Variants in ADAM2 observed in about 807,000 individuals in gnomAD.
The protein encoded by ADAM2 is disintegrin and metalloproteinase domain-containing protein 2.
Under a neutral mutation model 99.3 loss-of-function variants are expected in ADAM2, and 101 were observed. That is an observed-to-expected ratio of 1.02 (90% confidence interval 0.87 to 1.20). The LOEUF is 1.20. Ranked by LOEUF, ADAM2 falls within the 50% of genes most tolerant of loss-of-function variation. The probability of loss-of-function intolerance (pLI) is 0.00; values close to 1 mark genes in which losing one functional copy is unlikely to be tolerated. For synonymous variants in ADAM2, 323 were observed against 287.6 expected (o/e 1.12, Z -1.25); for missense variants, 948 against 878.7 (o/e 1.08, Z -1.00).
intron 7 of ADAM2, among the ~76,000 whole-genome samples, chr8:39,798,632 AT>A (rs1174966164): frequency 6.6e-6 from 1 of 151,998 alleles, no homozygotes; most frequent in Non-Finnish European, 1.5e-5. Context: ...TCCTCTTTGT[AT>A]TTCTGGTAGA....
Position 39,746,645 on chromosome 8 carries a change from A to T in ADAM2, c.2015-14T>A. ...TGTAGCGCCTTTCTAGAAGAAAAAA[A>T]AATCAAAGATTTGAAAGCAAGCACC... is the stretch of plus-strand genomic sequence containing the variant. On this transcript the variant is annotated splice_polypyrimidine_tract_variant and intron_variant, in intron 18 of 20. Transcript: ENST00000265708. The T allele has an allele frequency of 6.4e-7, 1 of 1,553,026 alleles. No individual in the cohort carries two copies. Among genetic ancestry groups the T allele is most frequent in the Admixed American group, 2.2e-5 (1 of 44,878 alleles).
intron 1 of ADAM2, 60 bp from the exon 2 acceptor site, chr8:39,837,272 T>C (rs1275321797): frequency 1.6e-6 from 2 of 1,244,890 alleles, no homozygotes; most frequent in Non-Finnish European, 2.3e-6. Context: ...GCGTGTTTTA[T>C]GAGTTTTTCA....
At chr8:39,765,460 T>C (rs1325921577) in intron 14 of ADAM2, among the ~76,000 whole-genome samples, 1 of 152,124 alleles carries the variant, frequency 6.6e-6, no homozygotes, top group African/African-American at 2.4e-5. Context: ...ATAGAACAAC[T>C]ATATGCCAAC....
intron 10 of ADAM2, 25 bp downstream of exon 10, chr8:39,786,949 C>G: frequency 6.7e-7 from 1 of 1,501,650 alleles, no homozygotes; most frequent in Non-Finnish European, 9.1e-7. Context: ...ATGTAGCATA[C>G]TTTCTATACA....
intron 11 of ADAM2, among the ~76,000 whole-genome samples, chr8:39,771,639 G>T (rs115088150): frequency 6.6e-6 from 1 of 152,032 alleles, no homozygotes; most frequent in Admixed American, 6.5e-5. Flanking sequence ...TTATTCACTC[G>T]AAGACCTCGA....
chr8:39,744,896 G>A lies in ADAM2; in HGVS notation c.2175-3C>T, dbSNP rs1219340461. On this transcript the variant is annotated splice_polypyrimidine_tract_variant and splice_region_variant and intron_variant, in intron 19 of 20. Transcript: ENST00000265708. The stretch of plus-strand genomic sequence containing the variant: ...GTTCACTCTCACTTTCAGGTTGCCT[G>A]CATATTAAAAATAAAAATAATATTA... 2 of 1,595,390 alleles carry A rather than the reference G, an allele frequency of 1.3e-6. No homozygotes were observed. Among genetic ancestry groups the A allele is most frequent in the Non-Finnish European group, 1.7e-6 (2 of 1,168,572 alleles).
intron 14 of ADAM2, among the ~76,000 whole-genome samples, chr8:39,764,353 T>A (rs902365601): frequency 2.6e-5 from 4 of 152,172 alleles, no homozygotes; most frequent in African/African-American, 9.7e-5. Context: ...GAGGCTGCAG[T>A]GAGCTGTGAT....
chr8:39,749,932 ACT>A (rs1563333345), intron 16 of ADAM2, among the ~76,000 whole-genome samples, 188 bp from the exon 17 acceptor site: 1 of 152,104 alleles, frequency 6.6e-6, no homozygotes, highest in Non-Finnish European at 1.5e-5. Flanking sequence ...ACTAGATGAG[ACT>A]CTGATTATCT....
At chr8:39,748,755 G>A (rs917639917) in intron 18 of ADAM2, among the ~76,000 whole-genome samples, 1 of 152,062 alleles carries the variant, frequency 6.6e-6, no homozygotes, top group Non-Finnish European at 1.5e-5. Context: ...TGGAGGATTC[G>A]AAGAGTAAAA....
In ADAM2 at chr8:39,779,554, T is replaced by G. The variant is rs72642842; in HGVS notation, c.892-2393A>C. Among the ~76,000 whole-genome samples the G allele has an allele frequency of 6.4e-3, 977 of 152,302 alleles. 7 individuals are homozygous for G. The highest frequency in any genetic ancestry group is 0.012 in the Non-Finnish European group (826 of 68,024). On this transcript the variant is annotated intron_variant, in intron 10 of 20. Coordinates refer to ENST00000265708, the MANE Select transcript of ADAM2 (RefSeq NM_001464.5). ...AATTTCCTACAGGTTCTTGTTATTA[T>G]TATCTCTGATTTGAAAGGCAAGTGA...
At chr8:39,762,030 G>A (rs1396720510) in intron 14 of ADAM2, among the ~76,000 whole-genome samples, 1 of 152,224 alleles carries the variant, frequency 6.6e-6, no homozygotes, top group Admixed American at 6.5e-5. Flanking sequence ...CCTGCAGTGA[G>A]CCGAGATCGC....
At chr8:39,810,961 C>CA (rs939818163) in intron 6 of ADAM2, among the ~76,000 whole-genome samples, 57 of 147,684 alleles carry the variant, frequency 3.9e-4, no homozygotes, top group Admixed American at 1.2e-3. Context: ...AGATAGAGAC[C>CA]AAAAAAAAAC....
chr8:39,766,018 T>C lies in ADAM2; in HGVS notation c.1507+830A>G, dbSNP rs117150800. Among the ~76,000 whole-genome samples, 8 of 152,350 alleles carry C rather than the reference T, an allele frequency of 5.3e-5. No homozygotes were observed. In the East Asian group the frequency reaches 1.5e-3, roughly 29 times the overall value. ...ATTATTTAGCAAACAATTTTGTATATAGTTTGCACCATGGTTTTCTTTTTT... is the reference window on the plus strand; with the variant it reads ...ATTATTTAGCAAACAATTTTGTATACAGTTTGCACCATGGTTTTCTTTTTT... On this transcript the variant is annotated intron_variant, in intron 14 of 20. Coordinates refer to ENST00000265708, the MANE Select transcript of ADAM2 (RefSeq NM_001464.5).
intron 19 of ADAM2, 146 bp from the exon 20 acceptor site, chr8:39,745,039 A>G: frequency 1.7e-6 from 1 of 594,130 alleles, no homozygotes; most frequent in Non-Finnish European, 2.9e-6. Context: ...ATCACTGAGA[A>G]CATCTCTGCC....
chr8:39,808,734 G>A (rs555712583), intron 7 of ADAM2, among the ~76,000 whole-genome samples: 2 of 152,200 alleles, frequency 1.3e-5, no homozygotes, highest in South Asian at 4.1e-4. Context: ...TGGCCAATGT[G>A]GTGAAACCCC....
intron 19 of ADAM2, among the ~76,000 whole-genome samples, chr8:39,745,859 TAGATAAACTTTAA>T (rs917725642): frequency 1.3e-5 from 2 of 152,026 alleles, no homozygotes; most frequent in African/African-American, 2.4e-5. Flanking sequence ...TAAAAGAAGA[TAGATAAACTTTAA>T]AGATAAACTT....
chr8:39,776,926 T>G (rs1433919754), intron 11 of ADAM2, 99 bp downstream of exon 11: 5 of 754,706 alleles, frequency 6.6e-6, no homozygotes, highest in Non-Finnish European at 1.1e-5. Flanking sequence ...CAGTCACAGC[T>G]GATCGCCATT....
In ADAM2 at chr8:39,743,752, G is replaced by C. The variant is rs1004713505; in HGVS notation, c.*343C>G. 1.3e-5 allele frequency: 2 copies of C among 151,856 alleles called. No homozygotes were observed. The highest frequency in any genetic ancestry group is 2.4e-5 in the African/African-American group (1 of 41,320). 9.4% of individuals were successfully genotyped at this position (151,856 alleles called of 1,614,324 possible). A position where few individuals can be genotyped will look rare whatever the true frequency, so the allele number is the denominator to read the frequency against. ...CATTGCAATTTGAAATGTAACAGTG[G>C]CTTTTAATCATAGTACCACCTCATT... On this transcript the variant is annotated 3_prime_UTR_variant, in exon 21 of 21. Coordinates refer to ENST00000265708, the MANE Select transcript of ADAM2 (RefSeq NM_001464.5).
rs1010254081 is a variant in ADAM2 at position 39,814,094 on chromosome 8, A to C, written c.514-4628T>G. On this transcript the variant is annotated intron_variant, in intron 6 of 20. Coordinates refer to ENST00000265708, the MANE Select transcript of ADAM2 (RefSeq NM_001464.5). ...ATCCACAGGCCAGGCGTGGTGGCTC[A>C]CACCTGTAATCCCAGCACTTTGGGA... Among the ~76,000 whole-genome samples the C allele has an allele frequency of 3.9e-5, 6 of 152,082 alleles. No homozygotes were observed. In the East Asian group the frequency reaches 1.2e-3, roughly 29 times the overall value.
Sources: gnomAD v4.1 joint callset for allele counts (sites outside exome capture counted in the v4.1 genomes callset) on GRCh38, gnomAD v4.1.1 for gene constraint, MANE v1.5 for transcripts, NCBI Gene and HGNC (gene_info 2026-07-23, HGNC 2026-07-21) for gene names.